SHCBP1: variants seen among roughly 807,000 people sequenced by gnomAD.
SHCBP1 encodes the protein SHC binding and spindle associated 1.
Under a neutral mutation model 75.1 loss-of-function variants are expected in SHCBP1, and 60 were observed. The ratio of observed to expected loss-of-function variants is 0.80; its 90% CI spans 0.65 to 0.99. The LOEUF (loss-of-function observed/expected upper bound fraction) is 0.99, where lower values mean the gene tolerates loss of function less well. SHCBP1 is among the 50% of genes least tolerant of loss of function. The pLI, the probability that SHCBP1 is intolerant of heterozygous loss-of-function variation, is 0.00. For missense variants in SHCBP1, 709 were observed against 809.4 expected, an observed-to-expected ratio of 0.88 and a Z score of 1.50; for synonymous variants, 290 against 293.2, an observed-to-expected ratio of 0.99 and a Z score of 0.11.
chr16:46,603,611 T>A lies in SHCBP1; in HGVS notation c.1141A>T (p.Thr381Ser). The change falls in exon 8 of 13, where the codon ACT becomes TCT. Residue 381 changes from threonine (T) to serine (S), a missense_variant. Thr to Ser is a moderately conservative substitution (Grantham distance 58, BLOSUM62 1). Transcript: ENST00000303383. ...TAATGGCCAGGACAAACAATAACAG[T>A]GTCACCTTCGAAGCAGGCATTTATA... ...SAINACFEGD[T>S]VIVCPGHYVV... 2.5e-6 allele frequency: 4 copies of A among 1,614,156 alleles called. No homozygotes were observed. Among genetic ancestry groups the A allele is most frequent in the Non-Finnish European group, 3.4e-6 (4 of 1,180,020 alleles).
Position 46,608,401 on chromosome 16 carries a change from CT to C in SHCBP1, c.597-13del. 1 of 1,579,158 alleles carries C rather than the reference CT, an allele frequency of 6.3e-7. No individual in the cohort carries two copies. The highest frequency in any genetic ancestry group is 8.7e-7 in the Non-Finnish European group (1 of 1,149,070). Reference sequence around the variant, plus strand: ...TTTGGTAGAAAAATCTGAAATGGAACTTAGTATCATTCAAATTCTATCACTG... The same window carrying C: ...TTTGGTAGAAAAATCTGAAATGGAACTAGTATCATTCAAATTCTATCACTG... On this transcript the variant is annotated splice_polypyrimidine_tract_variant and intron_variant, in intron 4 of 12. Transcript: ENST00000303383.
In SHCBP1 at chr16:46,621,287, C is replaced by G. The variant is rs1397701103; in HGVS notation, c.73G>C (p.Val25Leu). ...AMAPERMGWAVEQELASLEKG... is the reference protein window; with the variant it reads ...AMAPERMGWALEQELASLEKG... ...TCCAGAGACGCCAGCTCCTGCTCCA[C>G]CGCCCAGCCCATGCGCTCCGGCGCC... The change falls in exon 1 of 13, where the codon GTG becomes CTG. Residue 25 changes from valine (V) to leucine (L), a missense_variant. By Grantham distance (32) the Val-to-Leu change is conservative. Transcript: ENST00000303383. The G allele has an allele frequency of 1.9e-6, 3 of 1,610,512 alleles. No individual in the cohort carries two copies. The highest frequency in any genetic ancestry group is 1.7e-6 in the Non-Finnish European group (2 of 1,179,022).
At chr16:46,583,939 A>C (rs972692745) in intron 11 of SHCBP1, 64 bp downstream of exon 11, 8 of 1,372,374 alleles carry the variant, frequency 5.8e-6, no homozygotes, top group South Asian at 1.3e-5. Flanking sequence ...CAATTTAATA[A>C]AGCATAATTT....
chr16:46,604,185 A>G (rs1429797703), intron 6 of SHCBP1, 42 bp from the exon 7 acceptor site: 1 of 1,612,720 alleles, frequency 6.2e-7, no homozygotes, highest in Non-Finnish European at 8.5e-7. Context: ...ACAGCAAGTA[A>G]GAAAAGATGC....
intron 10 of SHCBP1, among the ~76,000 whole-genome samples, chr16:46,590,662 A>G (rs1965031282): frequency 6.6e-6 from 1 of 152,214 alleles, no homozygotes; most frequent in African/African-American, 2.4e-5. Context: ...AAAAGTCAGG[A>G]AGCAACAGGA....
chr16:46,594,925 T>C (rs553330088), intron 10 of SHCBP1, among the ~76,000 whole-genome samples: 1 of 152,300 alleles, frequency 6.6e-6, no homozygotes, highest in Non-Finnish European at 1.5e-5. Context: ...GAGCAAGCTA[T>C]TGGTACATAC....
intron 5 of SHCBP1, among the ~76,000 whole-genome samples, chr16:46,606,655 T>A (rs1034407473): frequency 1.3e-5 from 2 of 152,164 alleles, no homozygotes. Flanking sequence ...TAGAAAATAC[T>A]CAAGCTTATT....
chr16:46,608,263 A>C (rs1965353765), intron 5 of SHCBP1, 34 bp downstream of exon 5: 1 of 1,505,934 alleles, frequency 6.6e-7, no homozygotes, highest in East Asian at 2.3e-5. Flanking sequence ...CTATTTTTCC[A>C]ACATGTACAA....
intron 10 of SHCBP1, among the ~76,000 whole-genome samples, chr16:46,586,135 T>C (rs1225029124): frequency 6.6e-6 from 1 of 152,176 alleles, no homozygotes; most frequent in Non-Finnish European, 1.5e-5. Flanking sequence ...AATTAACAGA[T>C]GCCAAAACCA....
chr16:46,592,339 T>C (rs1359661908), intron 10 of SHCBP1, among the ~76,000 whole-genome samples: 1 of 152,158 alleles, frequency 6.6e-6, no homozygotes, highest in Non-Finnish European at 1.5e-5. Context: ...CATATAAATC[T>C]GACAACTTAG....
intron 9 of SHCBP1, among the ~76,000 whole-genome samples, chr16:46,596,972 C>G (rs979089453): frequency 6.6e-6 from 1 of 152,124 alleles, no homozygotes; most frequent in Non-Finnish European, 1.5e-5. Context: ...AGGTGATCCA[C>G]CCTCCTCGGC....
At chr16:46,608,256 T>A in intron 5 of SHCBP1, 41 bp downstream of exon 5, 1 of 1,459,774 alleles carries the variant, frequency 6.9e-7, no homozygotes, top group Non-Finnish European at 9.6e-7. Context: ...TGGGTAACTA[T>A]TTTTCCAACA....
rs1567449603 is a variant in SHCBP1, at chr16:46,604,227, C to A, written c.923+1G>T. 13 of 1,613,972 alleles carry A rather than the reference C, an allele frequency of 8.1e-6. No individual in the cohort carries two copies. The highest frequency in any genetic ancestry group is 1.1e-5 in the Non-Finnish European group (13 of 1,179,950). ...ACTAAGAATTACAAAGACACACATA[C>A]CTCAACAAAGGATTCTCAATGAGTT... On this transcript the variant is annotated splice_donor_variant, in intron 6 of 12. Coordinates refer to ENST00000303383, the MANE Select transcript of SHCBP1 (RefSeq NM_024745.5). LOFTEE classifies it high-confidence loss of function.
intron 9 of SHCBP1, among the ~76,000 whole-genome samples, chr16:46,595,960 G>A (rs938850264): frequency 1.3e-5 from 2 of 151,732 alleles, no homozygotes; most frequent in Admixed American, 6.6e-5. Flanking sequence ...TGAGTATCTC[G>A]GAAGAAAAAG....
chr16:46,594,208 C>A (rs1273955532), intron 10 of SHCBP1, among the ~76,000 whole-genome samples: 10 of 151,944 alleles, frequency 6.6e-5, no homozygotes, highest in Admixed American at 6.6e-4. Context: ...TTCTTATCAC[C>A]AAAACCTCAA....
chr16:46,618,299 A>G lies in SHCBP1; in HGVS notation c.177T>C (p.Phe59=). ...RDKPGSSLQS[F]MPEGKTFFPE... is the part of the protein sequence containing the mutation. ...GGAAAAAGGTTTTTCCTTCTGGCAT[A>G]AAACTTTGTAAACTAGAACCTGGTT... is the stretch of plus-strand genomic sequence containing the variant. The change falls in exon 2 of 13, where the codon TTT becomes TTC. Residue 59 remains phenylalanine, a synonymous_variant. Transcript: ENST00000303383. 6.2e-7 allele frequency: 1 copy of G among 1,613,950 alleles called. No homozygotes were observed. Among genetic ancestry groups the G allele is most frequent in the Non-Finnish European group, 8.5e-7 (1 of 1,179,970 alleles).
rs752832808 is a variant in SHCBP1, at chr16:46,621,310, G to A, written c.50C>T (p.Ala17Val). 4 of 1,611,052 alleles carry A rather than the reference G, an allele frequency of 2.5e-6. No homozygotes were observed. The highest frequency in any genetic ancestry group is 2.5e-6 in the Non-Finnish European group (3 of 1,179,196). Residue 17 changes from alanine (A) to valine (V), a missense_variant, in exon 1 of 13, where the codon GCG (alanine) becomes GTG (valine). Physicochemically the swap from Ala to Val is moderately conservative, Grantham distance 64. Transcript: ENST00000303383. ...TGGGLEAAAM[A>V]PERMGWAVEQ... ...CACCGCCCAGCCCATGCGCTCCGGC[G>A]CCATGGCCGCTGCCTCCAGACCGCC...
chr16:46,583,721 T>A (rs1305815910), intron 11 of SHCBP1, 64 bp from the exon 12 acceptor site: 3 of 1,545,470 alleles, frequency 1.9e-6, no homozygotes, highest in Non-Finnish European at 2.6e-6. Context: ...CTTAAAAATC[T>A]TCTTTATTCA....
chr16:46,612,550 C>A (rs1182277367), intron 4 of SHCBP1, among the ~76,000 whole-genome samples: 1 of 152,070 alleles, frequency 6.6e-6, no homozygotes, highest in Non-Finnish European at 1.5e-5. Flanking sequence ...CCTTTTAGCC[C>A]TCAAAAAGAA....
Sources: allele counts gnomAD v4.1 joint callset (sites outside exome capture counted in the v4.1 genomes callset), GRCh38; gene constraint gnomAD v4.1.1; transcripts MANE v1.5; gene names NCBI Gene and HGNC (gene_info 2026-07-23, HGNC 2026-07-21).